Variants in SUGCT observed in about 807,000 individuals in gnomAD.
SUGCT encodes the protein succinyl-CoA:glutarate-CoA transferase, also known as succinyl-CoA:glutarate CoA-transferase.
A neutral mutation model predicts 55.0 loss-of-function variants in SUGCT; 41 were observed. The ratio of observed to expected loss-of-function variants is 0.74; its 90% CI spans 0.58 to 0.97. The LOEUF is 0.97. Among genes scored for constraint, SUGCT ranks in the 50% least tolerant of loss-of-function variants. The pLI is 0.00. For missense variants in SUGCT, 568 were observed against 547.8 expected (o/e 1.04, Z -0.37); for synonymous variants, 187 against 200.4 (o/e 0.93, Z 0.56).
At chr7:40,984,686 C>T in the SUGCT span, among the ~76,000 whole-genome samples, 5 of 152,188 alleles carry the variant, frequency 3.3e-5, no homozygotes, top group African/African-American at 1.2e-4. Flanking sequence ...CGACGGCTAC[C>T]ATTTTACAAT....
the SUGCT span, among the ~76,000 whole-genome samples, chr7:40,954,995 A>G: frequency 2.0e-5 from 3 of 152,164 alleles, no homozygotes; most frequent in Non-Finnish European, 4.4e-5. Context: ...CAATTGGTCC[A>G]TATATCTGTT....
chr7:40,747,417 G>A (rs547334409), intron 12 of SUGCT, among the ~76,000 whole-genome samples: 1 of 152,274 alleles, frequency 6.6e-6, no homozygotes, highest in South Asian at 2.1e-4. Flanking sequence ...CTCTCTCTCC[G>A]AGTTTAACAA....
chr7:40,482,587 G>A (rs929522909), intron 11 of SUGCT, among the ~76,000 whole-genome samples: 1 of 152,128 alleles, frequency 6.6e-6, no homozygotes, highest in African/African-American at 2.4e-5. Context: ...AGTATAAGCA[G>A]CCTCTGGTGT....
At chr7:40,172,663 C>A (rs1162435793) in intron 1 of SUGCT, among the ~76,000 whole-genome samples, 1 of 152,186 alleles carries the variant, frequency 6.6e-6, no homozygotes, top group Non-Finnish European at 1.5e-5. Flanking sequence ...GTAAAGACTT[C>A]TGGCTGCACC....
In SUGCT at chr7:40,274,600, C is replaced by T; in HGVS notation, c.664C>T (p.Gln222Ter). ...AYGAIMAGLI[Q>*]KYKTGKGLFI... ...TGGAGCTATTATGGCTGGATTGATACAAAAATACAAAACTGGGAAAGGACT... is the reference window on the plus strand; with the variant it reads ...TGGAGCTATTATGGCTGGATTGATATAAAAATACAAAACTGGGAAAGGACT... The change falls in exon 8 of 14, where the codon CAA becomes TAA. Residue 222 changes from glutamine (Q) to a stop codon, truncating the protein, a stop_gained. Transcript: ENST00000335693. LOFTEE classifies it high-confidence loss of function. 6.2e-7 allele frequency: 1 copy of T among 1,613,648 alleles called. No individual in the cohort carries two copies. The highest frequency in any genetic ancestry group is 8.5e-7 in the Non-Finnish European group (1 of 1,179,732).
intron 6 of SUGCT, among the ~76,000 whole-genome samples, chr7:40,213,248 A>C (rs1584358232): frequency 1.3e-5 from 2 of 152,282 alleles, no homozygotes; most frequent in African/African-American, 4.8e-5. Context: ...TACTGCATTT[A>C]ATGATTATAC....
At chr7:40,822,724 C>T (rs1429314059) in intron 13 of SUGCT, among the ~76,000 whole-genome samples, 1 of 152,144 alleles carries the variant, frequency 6.6e-6, no homozygotes, top group Non-Finnish European at 1.5e-5. Flanking sequence ...CTCACACGTA[C>T]ACTCATCAGT....
chr7:40,340,094 A>G (rs958944154), intron 9 of SUGCT, among the ~76,000 whole-genome samples: 4 of 152,204 alleles, frequency 2.6e-5, no homozygotes, highest in Admixed American at 6.5e-5. Flanking sequence ...AACCAACTCA[A>G]TATGGTAAGG....
At chr7:40,195,142 GCT>G in intron 6 of SUGCT, 82 bp downstream of exon 6, 1 of 1,324,286 alleles carries the variant, frequency 7.6e-7, no homozygotes. Flanking sequence ...CCTTTTGCTG[GCT>G]TTTTTTTTTT....
Position 40,172,078 on chromosome 7 carries a change from G to A in SUGCT, c.101-8869G>A, listed in dbSNP as rs1784704151. On this transcript the variant is annotated intron_variant, in intron 1 of 13. Coordinates refer to ENST00000335693, the MANE Select transcript of SUGCT (RefSeq NM_001193313.2). Reference sequence around the variant, plus strand: ...GGACGTTAGCTTGTTGCCCCCATTTGCCACTATAGGAATGTGTGCCTCCCT... The same window carrying A: ...GGACGTTAGCTTGTTGCCCCCATTTACCACTATAGGAATGTGTGCCTCCCT... 2.0e-5 allele frequency among the ~76,000 whole-genome samples: 3 copies of A among 151,994 alleles called. No homozygotes were observed. In the South Asian group the frequency reaches 6.2e-4, roughly 32 times the overall value.
At chr7:40,148,665 C>CA (rs57200495) in intron 1 of SUGCT, among the ~76,000 whole-genome samples, 2 of 151,884 alleles carry the variant, frequency 1.3e-5, no homozygotes, top group Non-Finnish European at 2.9e-5. Context: ...AAAAAACAAA[C>CA]AAAAAAACCA....
the SUGCT span, among the ~76,000 whole-genome samples, chr7:40,888,836 T>G: frequency 6.6e-6 from 1 of 152,152 alleles, no homozygotes; most frequent in Non-Finnish European, 1.5e-5. Flanking sequence ...CTCCCGAGTA[T>G]GCATTGGAAG....
the SUGCT span, chr7:40,980,051 T>C: frequency 2.0e-5 from 3 of 152,392 alleles, no homozygotes; most frequent in African/African-American, 7.2e-5. Flanking sequence ...ATCAAGGTAC[T>C]GACCAATTTT....
chr7:40,613,215 A>G (rs113013701), intron 12 of SUGCT, among the ~76,000 whole-genome samples: 10 of 152,084 alleles, frequency 6.6e-5, no homozygotes, highest in African/African-American at 2.2e-4. Flanking sequence ...GAAGCCTCTT[A>G]CTTCGAAAGA....
At chr7:40,486,433 C>T (rs1475703140) in intron 11 of SUGCT, among the ~76,000 whole-genome samples, 6 of 151,834 alleles carry the variant, frequency 4.0e-5, no homozygotes, top group Non-Finnish European at 7.4e-5. Context: ...TGTTTTGTTG[C>T]TTTTTTATTT....
the SUGCT span, among the ~76,000 whole-genome samples, chr7:41,030,577 TTAAGA>T: frequency 2.0e-5 from 3 of 152,188 alleles, no homozygotes; most frequent in African/African-American, 7.2e-5. Context: ...CTGAGAAATT[TTAAGA>T]TTAGATTTCC....
At chr7:40,668,432 T>C (rs542278111) in intron 12 of SUGCT, among the ~76,000 whole-genome samples, 2 of 152,202 alleles carry the variant, frequency 1.3e-5, no homozygotes, top group Non-Finnish European at 2.9e-5. Context: ...GTCTTGGGGA[T>C]CTTTTCATTG....
chr7:40,518,411 T>C (rs1793359675), intron 12 of SUGCT, among the ~76,000 whole-genome samples: 1 of 152,118 alleles, frequency 6.6e-6, no homozygotes, highest in Non-Finnish European at 1.5e-5. Flanking sequence ...AGCAAATATA[T>C]TTTAGATAAT....
intron 5 of SUGCT, among the ~76,000 whole-genome samples, chr7:40,192,539 A>AAAGAAT (rs1439570227): frequency 1.3e-5 from 2 of 152,214 alleles, no homozygotes; most frequent in East Asian, 3.8e-4. Context: ...AGAAAAGTTG[A>AAAGAAT]AAGAATAATG....
Sources: gnomAD v4.1 joint callset for allele counts (sites outside exome capture counted in the v4.1 genomes callset) on GRCh38, gnomAD v4.1.1 for gene constraint, MANE v1.5 for transcripts, NCBI Gene and HGNC (gene_info 2026-07-23, HGNC 2026-07-21) for gene names.